The following RERG variants were observed in gnomAD, a reference collection of about 807,000 sequenced individuals.
RERG encodes the protein RAS like estrogen regulated growth inhibitor, also known as ras-related and estrogen-regulated growth inhibitor.
RERG carries 25 observed loss-of-function variants against 23.2 expected under a neutral mutation model. The observed-to-expected ratio is 1.08, with a 90% CI of 0.79 to 1.50. The LOEUF is 1.50. RERG is among the 40% of genes most tolerant of loss of function. RERG has a pLI of 0.00. For missense variants in RERG, 253 were observed against 250.1 expected, an observed-to-expected ratio of 1.01 and a Z score of -0.08; for synonymous variants, 81 against 89.1, an observed-to-expected ratio of 0.91 and a Z score of 0.51.
chr12:15,209,361 G>A (rs559728837), intron 2 of RERG, among the ~76,000 whole-genome samples: 4 of 152,264 alleles, frequency 2.6e-5, no homozygotes, highest in African/African-American at 9.6e-5. Context: ...TGAATAAAAG[G>A]AGATAAGGAT....
At position 15,158,496 on chromosome 12, in the gene RERG, G is replaced by A. The variant is rs913860177; in HGVS notation, c.62-37377C>T. Among the ~76,000 whole-genome samples, 3 of 152,128 alleles carry A rather than the reference G, an allele frequency of 2.0e-5. No homozygotes were observed. In the South Asian group the frequency reaches 6.2e-4, roughly 32 times the overall value. ...GGGGTCTCACTGTGTTGCCCAGGCT[G>A]GGATCAAACTCCTGGGCTCAAGCGA... is the stretch of plus-strand genomic sequence containing the variant. On this transcript the variant is annotated intron_variant, in intron 2 of 4. Coordinates refer to ENST00000256953, the MANE Select transcript of RERG (RefSeq NM_032918.3).
intron 4 of RERG, among the ~76,000 whole-genome samples, chr12:15,110,310 G>T: frequency 6.6e-6 from 1 of 152,168 alleles, no homozygotes; most frequent in East Asian, 1.9e-4. Context: ...TAAGTAGGTG[G>T]TGATGAGATG....
intron 2 of RERG, among the ~76,000 whole-genome samples, chr12:15,126,128 C>CACATATATATATATAT: frequency 1.1e-5 from 1 of 89,096 alleles, no homozygotes; most frequent in East Asian, 3.2e-4. Context: ...TTGTATATAC[C>CACATATATATATATAT]ATATATATAT....
intron 4 of RERG, 22 bp from the exon 5 acceptor site, chr12:15,109,539 C>A: frequency 6.4e-7 from 1 of 1,551,060 alleles, no homozygotes; most frequent in Non-Finnish European, 8.7e-7. Flanking sequence ...GAAAAATGGC[C>A]GTCAAGAGAC....
chr12:15,113,290 A>T (rs1863657664), intron 3 of RERG, among the ~76,000 whole-genome samples: 1 of 152,106 alleles, frequency 6.6e-6, no homozygotes, highest in Non-Finnish European at 1.5e-5. Flanking sequence ...TCAAGATAAT[A>T]TAAGAAAAGA....
Position 15,131,678 on chromosome 12 carries a change from C to T in RERG, c.62-10559G>A, listed in dbSNP as rs572472144. Among the ~76,000 whole-genome samples, 58 of 152,190 alleles carry T rather than the reference C, an allele frequency of 3.8e-4. 1 individual carries two copies. The highest frequency in any genetic ancestry group is 3.4e-3 in the Middle Eastern group (1 of 294). The stretch of plus-strand genomic sequence containing the variant: ...GGTTTATGCCATCTGGCATAAACCT[C>T]GCTGGATGACCTCCTTATACAGATC... On this transcript the variant is annotated intron_variant, in intron 2 of 4. Coordinates refer to ENST00000256953, the MANE Select transcript of RERG (RefSeq NM_032918.3).
intron 2 of RERG, among the ~76,000 whole-genome samples, chr12:15,169,920 ATGTGTGTGTGTGTGTGTGTGTG>A (rs61079713): frequency 7.3e-5 from 10 of 137,698 alleles, no homozygotes; most frequent in African/African-American, 2.4e-4. Context: ...TCTGCTAAAA[ATGTGTGTGTGTGTGTGTGTGTG>A]TGTGTGTGTG....
chr12:15,175,331 C>CTGTGTGTGTGTG (rs1231946873), intron 2 of RERG, among the ~76,000 whole-genome samples: 1 of 109,270 alleles, frequency 9.2e-6, no homozygotes. Flanking sequence ...TACTCTCAGG[C>CTGTGTGTGTGTG]TCTGTGTGTG....
intron 2 of RERG, among the ~76,000 whole-genome samples, chr12:15,188,439 G>C (rs934226354): frequency 6.6e-6 from 1 of 152,040 alleles, no homozygotes; most frequent in African/African-American, 2.4e-5. Context: ...ATTCTCTTTG[G>C]ATCGTCATGC....
intron 2 of RERG, among the ~76,000 whole-genome samples, chr12:15,134,438 T>C (rs1483724649): frequency 6.6e-6 from 1 of 152,134 alleles, no homozygotes; most frequent in African/African-American, 2.4e-5. Flanking sequence ...GGTCGATTTC[T>C]GATTTCTCTA....
chr12:15,140,453 T>A (rs191423482), intron 2 of RERG, among the ~76,000 whole-genome samples: 3 of 151,928 alleles, frequency 2.0e-5, no homozygotes, highest in African/African-American at 7.3e-5. Flanking sequence ...ATTTAAAAAA[T>A]AAGAAACAAA....
At chr12:15,123,570 TTAAA>T (rs1863878991) in intron 2 of RERG, among the ~76,000 whole-genome samples, 1 of 139,052 alleles carries the variant, frequency 7.2e-6, no homozygotes, top group Admixed American at 7.6e-5. Context: ...TTTATTAAAT[TTAAA>T]TAATAAAATT....
At chr12:15,166,298 T>C (rs1864686369) in intron 2 of RERG, among the ~76,000 whole-genome samples, 1 of 152,168 alleles carries the variant, frequency 6.6e-6, no homozygotes, top group South Asian at 2.1e-4. Flanking sequence ...GCTTGCAAGA[T>C]TCTTTAGAAC....
chr12:15,120,988 C>T, intron 3 of RERG, 75 bp downstream of exon 3: 1 of 1,112,870 alleles, frequency 9.0e-7, no homozygotes, highest in Non-Finnish European at 1.4e-6. Flanking sequence ...AAAAATGTTG[C>T]AACAGAAAAC....
intron 2 of RERG, 135 bp from the exon 3 acceptor site, chr12:15,121,254 A>G (rs1050361114): frequency 1.6e-6 from 1 of 643,158 alleles, no homozygotes; most frequent in African/African-American, 1.8e-5. Context: ...AAACAAATAA[A>G]TTTTTTTATG....
chr12:15,205,978 C>T (rs548511710), intron 2 of RERG, among the ~76,000 whole-genome samples: 1 of 152,074 alleles, frequency 6.6e-6, no homozygotes, highest in East Asian at 1.9e-4. Flanking sequence ...CTATATGGAG[C>T]GAGGTGTCAA....
intron 2 of RERG, among the ~76,000 whole-genome samples, chr12:15,199,944 A>G (rs1345748871): frequency 6.6e-6 from 1 of 152,062 alleles, no homozygotes; most frequent in East Asian, 1.9e-4. Flanking sequence ...ATTATTTTAC[A>G]GTAACTTTTG....
chr12:15,156,667 G>A (rs1185768140), intron 2 of RERG, among the ~76,000 whole-genome samples: 1 of 152,138 alleles, frequency 6.6e-6, no homozygotes, highest in Non-Finnish European at 1.5e-5. Flanking sequence ...TTCTAAACAA[G>A]AATGTGCAAC....
At chr12:15,150,447 A>T (rs1472672306) in intron 2 of RERG, among the ~76,000 whole-genome samples, 1 of 152,174 alleles carries the variant, frequency 6.6e-6, no homozygotes, top group African/African-American at 2.4e-5. Context: ...CATTACCTGA[A>T]ACAGGGATAA....
Sources: allele counts gnomAD v4.1 joint callset (sites outside exome capture counted in the v4.1 genomes callset), GRCh38; gene constraint gnomAD v4.1.1; transcripts MANE v1.5; gene names NCBI Gene and HGNC (gene_info 2026-07-23, HGNC 2026-07-21).